Variants in TMEM132B observed in about 807,000 individuals in gnomAD.
TMEM132B encodes transmembrane protein 132B.
A neutral mutation model predicts 90.8 loss-of-function variants in TMEM132B; 18 were observed. That is an observed-to-expected ratio of 0.20 (90% CI 0.14 to 0.29). The LOEUF (loss-of-function observed/expected upper bound fraction) is 0.29. Ranked by LOEUF, TMEM132B falls within the 10% of genes least tolerant of loss-of-function variation. The probability of loss-of-function intolerance (pLI) is 1.00; values close to 1 mark genes in which losing one functional copy is unlikely to be tolerated. For missense variants in TMEM132B, 1,096 were observed against 1,326.8 expected, an observed-to-expected ratio of 0.83 and a Z score of 2.70; for synonymous variants, 504 against 523.3, an observed-to-expected ratio of 0.96 and a Z score of 0.50.
intron 2 of TMEM132B, among the ~76,000 whole-genome samples, chr12:125,350,780 G>A (rs972591165): frequency 1.3e-5 from 2 of 152,208 alleles, no homozygotes; most frequent in African/African-American, 2.4e-5. Context: ...GGGAGGATGC[G>A]TCTTAGTTGC....
intron 3 of TMEM132B, among the ~76,000 whole-genome samples, chr12:125,471,171 G>C (rs1250037536): frequency 2.6e-5 from 4 of 152,388 alleles, no homozygotes; most frequent in African/African-American, 7.2e-5. Context: ...CAGGGGATTT[G>C]CCGAGTGGAA....
rs539839088 is a variant in TMEM132B at position 125,505,423 on chromosome 12, G to A, written c.1107-14016G>A. Among the ~76,000 whole-genome samples, 4 of 152,204 alleles carry A rather than the reference G, an allele frequency of 2.6e-5. No individual in the cohort carries two copies. In the South Asian group the frequency reaches 8.3e-4, roughly 32 times the overall value. ...AAATAAAAAAGTTTACTGGGGCCGG[G>A]TGCGGGGGCTCTTGCCTGTAATCCC... On this transcript the variant is annotated intron_variant, in intron 3 of 8. Transcript: ENST00000682704.
intron 3 of TMEM132B, among the ~76,000 whole-genome samples, chr12:125,443,383 T>A (rs1880924948): frequency 6.6e-6 from 1 of 152,176 alleles, no homozygotes; most frequent in South Asian, 2.1e-4. Context: ...ATGGAGGGAT[T>A]GTAGGATGGC....
chr12:125,560,062 A>G (rs1216159401), intron 4 of TMEM132B, among the ~76,000 whole-genome samples: 2 of 152,198 alleles, frequency 1.3e-5, no homozygotes, highest in Non-Finnish European at 2.9e-5. Context: ...TGCCAGCGTC[A>G]GACCTGGTGT....
intron 3 of TMEM132B, among the ~76,000 whole-genome samples, chr12:125,494,101 GCC>G (rs2136568299): frequency 2.3e-5 from 3 of 132,964 alleles, no homozygotes; most frequent in African/African-American, 5.9e-5. Context: ...CCTGAAAATG[GCC>G]GCATCCCTCC....
At chr12:125,239,742 G>A (rs559957827) in intron 1 of TMEM132B, among the ~76,000 whole-genome samples, 1 of 152,342 alleles carries the variant, frequency 6.6e-6, no homozygotes, top group South Asian at 2.1e-4. Context: ...CTCCCGGCGA[G>A]CGCTGCCGTG....
chr12:125,599,182 C>G (rs923517218), intron 5 of TMEM132B, among the ~76,000 whole-genome samples: 2 of 152,104 alleles, frequency 1.3e-5, no homozygotes, highest in Non-Finnish European at 1.5e-5. Flanking sequence ...TCTGGTGATA[C>G]TGAATAAGTC....
chr12:125,633,701 C>T (rs947483781), intron 5 of TMEM132B, among the ~76,000 whole-genome samples: 3 of 152,196 alleles, frequency 2.0e-5, no homozygotes, highest in African/African-American at 7.2e-5. Flanking sequence ...TGGTTTTAGT[C>T]AAGATCTGGG....
chr12:125,561,521 A>G (rs11058246), intron 4 of TMEM132B, among the ~76,000 whole-genome samples: 86,935 of 151,904 alleles, frequency 0.57, 26,597 homozygotes, highest in Middle Eastern at 0.77. Flanking sequence ...AAGGTATAAT[A>G]AAAAAATTAA....
At chr12:125,346,082 A>C (rs894525640) in intron 1 of TMEM132B, among the ~76,000 whole-genome samples, 1 of 152,194 alleles carries the variant, frequency 6.6e-6, no homozygotes, top group Non-Finnish European at 1.5e-5. Context: ...TTCCATATAC[A>C]CTTTCAGACA....
intron 1 of TMEM132B, among the ~76,000 whole-genome samples, chr12:125,255,309 C>G (rs2136105765): frequency 6.6e-6 from 1 of 152,136 alleles, no homozygotes; most frequent in Non-Finnish European, 1.5e-5. Flanking sequence ...CTCACCCCCC[C>G]TCCTCTCTTC....
intron 1 of TMEM132B, among the ~76,000 whole-genome samples, chr12:125,330,042 T>C (rs527850933): frequency 1.3e-5 from 2 of 152,348 alleles, no homozygotes; most frequent in Admixed American, 1.3e-4. Flanking sequence ...GCCGACGCTG[T>C]GGTCCGACGA....
In TMEM132B at chr12:125,312,918, C is replaced by G. The variant is rs560149473; in HGVS notation, c.68-36534C>G. Reference sequence around the variant, plus strand: ...ACCCTAAACCAATGGAGAGCTCTTCCTTTAACCCTTCTGCCTCCACAGACA... The same window carrying G: ...ACCCTAAACCAATGGAGAGCTCTTCGTTTAACCCTTCTGCCTCCACAGACA... On this transcript the variant is annotated intron_variant, in intron 1 of 8. Coordinates refer to ENST00000682704, the MANE Select transcript of TMEM132B (RefSeq NM_001366854.1). 5.8e-4 allele frequency among the ~76,000 whole-genome samples: 89 copies of G among 152,312 alleles called. 3 individuals are homozygous for G. In the South Asian group the frequency reaches 0.016, roughly 28 times the overall value.
Position 125,453,076 on chromosome 12 carries a change from AACACACAC to A in TMEM132B, c.1106+37431_1106+37438del, listed in dbSNP as rs60350192. Among the ~76,000 whole-genome samples the A allele has an allele frequency of 1.2e-3, 179 of 143,782 alleles. 1 individual carries two copies. In the East Asian group the frequency reaches 0.014, roughly 11 times the overall value. The allele number at this position is 143,782 out of a possible 152,430, so 94.3% of individuals were successfully genotyped here. On this transcript the variant is annotated intron_variant, in intron 3 of 8. Coordinates refer to ENST00000682704, the MANE Select transcript of TMEM132B (RefSeq NM_001366854.1). The stretch of plus-strand genomic sequence containing the variant: ...CTGTTTGTTTTTTGCATTTCAGTAA[AACACACAC>A]ACACACACACACACACACACACACA...
At position 125,406,343 on chromosome 12, in the gene TMEM132B, T is replaced by C. The variant is rs1249658415; in HGVS notation, c.960-9188T>C. The stretch of plus-strand genomic sequence containing the variant: ...CCCCTGCGGGGTTGCACGAGGCATC[T>C]GTGTATTAGCAGTGCAAGGCGGAGG... On this transcript the variant is annotated intron_variant, in intron 2 of 8. Coordinates refer to ENST00000682704, the MANE Select transcript of TMEM132B (RefSeq NM_001366854.1). This position sits in a 1 kb window ranked among gnomAD's most constrained non-coding sequence, Gnocchi z 8.3. 1.3e-5 allele frequency among the ~76,000 whole-genome samples: 2 copies of C among 152,240 alleles called. No homozygotes were observed. Among genetic ancestry groups the C allele is most frequent in the Admixed American group, 1.3e-4 (2 of 15,288 alleles).
intron 2 of TMEM132B, among the ~76,000 whole-genome samples, chr12:125,361,255 C>T (rs1301892365): frequency 1.3e-5 from 2 of 152,076 alleles, no homozygotes; most frequent in Non-Finnish European, 2.9e-5. Flanking sequence ...CTGGAAATGA[C>T]TGGTTCCTCC....
intron 1 of TMEM132B, among the ~76,000 whole-genome samples, chr12:125,291,476 C>T (rs1875538521): frequency 6.6e-6 from 1 of 152,160 alleles, no homozygotes. Context: ...TCCATGCTGG[C>T]TCTGAAGATG....
chr12:125,527,454 A>ACCCATCCACCCTTCCATCCC, intron 4 of TMEM132B, among the ~76,000 whole-genome samples: 1 of 131,840 alleles, frequency 7.6e-6, no homozygotes, highest in African/African-American at 2.9e-5. Context: ...CCTTCCATCC[A>ACCCATCCACCCTTCCATCCC]CCCATCCACC....
chr12:125,548,612 G>A (rs1417003879), intron 4 of TMEM132B, among the ~76,000 whole-genome samples: 2 of 152,232 alleles, frequency 1.3e-5, no homozygotes, highest in African/African-American at 4.8e-5. Flanking sequence ...TGGTGGTCTG[G>A]ATGTCGTGAG....
Sources: gnomAD v4.1 joint callset for allele counts (sites outside exome capture counted in the v4.1 genomes callset) on GRCh38, gnomAD v4.1.1 for gene constraint, Gnocchi (gnomAD v3.1) non-coding constraint, MANE v1.5 for transcripts, NCBI Gene and HGNC (gene_info 2026-07-23, HGNC 2026-07-21) for gene names.